TMEFF1: variants seen among roughly 807,000 people sequenced by gnomAD.
The protein encoded by TMEFF1 is transmembrane protein with EGF like and two follistatin like domains 1, also known as tomoregulin-1.
Under a neutral mutation model 47.5 loss-of-function variants are expected in TMEFF1, and 20 were observed. The ratio of observed to expected loss-of-function variants is 0.42; its 90% CI spans 0.30 to 0.61. The LOEUF is 0.61. Ranked by LOEUF, TMEFF1 falls within the 20% of genes least tolerant of loss-of-function variation. TMEFF1 has a pLI of 0.19. For synonymous variants in TMEFF1, 162 were observed against 166.3 expected, an observed-to-expected ratio of 0.97 and a Z score of 0.20; for missense variants, 411 against 471.1, an observed-to-expected ratio of 0.87 and a Z score of 1.18.
At chr9:100,548,875 CA>C (rs1838784405) in intron 6 of TMEFF1, among the ~76,000 whole-genome samples, 1 of 152,124 alleles carries the variant, frequency 6.6e-6, no homozygotes, top group Non-Finnish European at 1.5e-5. Context: ...CATTTACTGA[CA>C]GGGACCCCTT....
intron 2 of TMEFF1, among the ~76,000 whole-genome samples, chr9:100,501,420 C>T (rs1347023639): frequency 6.6e-6 from 1 of 151,856 alleles, no homozygotes; most frequent in African/African-American, 2.4e-5. Flanking sequence ...TATTTGTTAC[C>T]ATTTTTTTTT....
At chr9:100,511,537 A>T (rs1837966785) in intron 3 of TMEFF1, among the ~76,000 whole-genome samples, 1 of 152,176 alleles carries the variant, frequency 6.6e-6, no homozygotes, top group Admixed American at 6.5e-5. Flanking sequence ...GCAGTGTTTT[A>T]TGTTATTTGG....
chr9:100,477,796 GTT>G (rs1412583956), intron 1 of TMEFF1, among the ~76,000 whole-genome samples: 4 of 151,448 alleles, frequency 2.6e-5, no homozygotes, highest in Non-Finnish European at 4.4e-5. Flanking sequence ...CCGGCTAATT[GTT>G]TGTATTTTAG....
intron 4 of TMEFF1, among the ~76,000 whole-genome samples, chr9:100,514,016 G>A (rs1171302129): frequency 6.6e-6 from 1 of 152,124 alleles, no homozygotes. Context: ...GATCAGAATT[G>A]AGATTGACTA....
chr9:100,514,635 G>T (rs1373184772), intron 4 of TMEFF1, among the ~76,000 whole-genome samples: 1 of 150,632 alleles, frequency 6.6e-6, no homozygotes, highest in Non-Finnish European at 1.5e-5. Flanking sequence ...AGGATCACTT[G>T]AGCCCAGGAG....
At chr9:100,496,311 C>T (rs1276534776) in intron 1 of TMEFF1, among the ~76,000 whole-genome samples, 2 of 152,174 alleles carry the variant, frequency 1.3e-5, no homozygotes, top group African/African-American at 4.8e-5. Context: ...GCACGATCTC[C>T]TCACTGCAGC....
At chr9:100,550,008 C>G in intron 6 of TMEFF1, 87 bp from the exon 7 acceptor site, 1 of 1,461,598 alleles carries the variant, frequency 6.8e-7, no homozygotes, top group Non-Finnish European at 9.1e-7. Context: ...TTAAGAAGAA[C>G]TTGGAATAAT....
At chr9:100,514,901 A>G (rs1838034989) in intron 4 of TMEFF1, among the ~76,000 whole-genome samples, 1 of 152,130 alleles carries the variant, frequency 6.6e-6, no homozygotes. Context: ...AGGCTGAGGT[A>G]GGAGAATTGC....
intron 1 of TMEFF1, among the ~76,000 whole-genome samples, chr9:100,475,216 A>G (rs1255418906): frequency 1.3e-5 from 2 of 152,144 alleles, no homozygotes; most frequent in Non-Finnish European, 2.9e-5. Context: ...TGCTTATGCT[A>G]CCCTAAATGA....
At chr9:100,576,416 C>G in intron 9 of TMEFF1, 100 bp from the exon 10 acceptor site, 1 of 1,451,620 alleles carries the variant, frequency 6.9e-7, no homozygotes, top group Non-Finnish European at 9.3e-7. Flanking sequence ...TGCAATGTGG[C>G]TTTATGTGCA....
chr9:100,497,039 A>G (rs1432301956), intron 1 of TMEFF1, among the ~76,000 whole-genome samples: 1 of 152,190 alleles, frequency 6.6e-6, no homozygotes, highest in Admixed American at 6.5e-5. Context: ...TTTGATAGTA[A>G]TTGGAACCAG....
intron 4 of TMEFF1, among the ~76,000 whole-genome samples, chr9:100,514,966 G>A (rs565973286): frequency 6.6e-6 from 1 of 152,090 alleles, no homozygotes; most frequent in Non-Finnish European, 1.5e-5. Context: ...CTGCACTCCA[G>A]CCTGGGGGAC....
chr9:100,560,879 A>G (rs1020993408), intron 7 of TMEFF1, among the ~76,000 whole-genome samples: 3 of 152,238 alleles, frequency 2.0e-5, no homozygotes, highest in African/African-American at 4.8e-5. Flanking sequence ...CACTTGGGAA[A>G]AAAATCAATG....
intron 7 of TMEFF1, among the ~76,000 whole-genome samples, chr9:100,557,754 G>A (rs1838941417): frequency 1.3e-5 from 2 of 150,766 alleles, no homozygotes; most frequent in Admixed American, 6.6e-5. Context: ...TTCCCCTTGT[G>A]TTATTCAGCT....
In TMEFF1 at chr9:100,511,895, A is replaced by G. The variant is rs76500014; in HGVS notation, c.437-1412A>G. On this transcript the variant is annotated intron_variant, in intron 3 of 9. Transcript: ENST00000374879. ...AAATATAACATACAGGGAGAATTCT[A>G]CCTTGTTATCAGAGTAGCCACAGTA... is the stretch of plus-strand genomic sequence containing the variant. 0.012 allele frequency among the ~76,000 whole-genome samples: 1,877 copies of G among 152,246 alleles called. 173 individuals are homozygous for G. In the East Asian group the frequency reaches 0.25, roughly 20 times the overall value.
chr9:100,501,973 A>G (rs530575284), intron 2 of TMEFF1, among the ~76,000 whole-genome samples: 1 of 152,284 alleles, frequency 6.6e-6, no homozygotes, highest in East Asian at 1.9e-4. Context: ...AGAGTAATGT[A>G]TGCCCATAGT....
intron 5 of TMEFF1, among the ~76,000 whole-genome samples, chr9:100,526,195 A>G (rs1357793026): frequency 2.0e-5 from 3 of 152,164 alleles, no homozygotes; most frequent in Admixed American, 6.5e-5. Flanking sequence ...TGAAGTCTAA[A>G]GCCATTCTAA....
intron 5 of TMEFF1, among the ~76,000 whole-genome samples, chr9:100,522,609 G>A (rs186451398): frequency 1.8e-3 from 274 of 151,298 alleles, no homozygotes; most frequent in Middle Eastern, 6.8e-3. Context: ...GCTAATTTTT[G>A]TATTTTTAGT....
chr9:100,528,445 C>T (rs1471471981), intron 5 of TMEFF1, among the ~76,000 whole-genome samples: 1 of 146,692 alleles, frequency 6.8e-6, no homozygotes, highest in Admixed American at 6.8e-5. Context: ...GTGAAGAATG[C>T]AGAAGCCTCA....
Sources: allele counts gnomAD v4.1 joint callset (sites outside exome capture counted in the v4.1 genomes callset), GRCh38; gene constraint gnomAD v4.1.1; transcripts MANE v1.5; gene names NCBI Gene and HGNC (gene_info 2026-07-23, HGNC 2026-07-21).